Variants in MRGPRX3 observed in about 807,000 individuals in gnomAD.
MRGPRX3 encodes the protein MAS related GPR family member X3.
Under a neutral mutation model 16.5 loss-of-function variants are expected in MRGPRX3, and 14 were observed. That is an observed-to-expected ratio of 0.85 (90% CI 0.56 to 1.33). MRGPRX3 has a LOEUF of 1.33. Ranked by LOEUF, MRGPRX3 falls within the 40% of genes most tolerant of loss-of-function variation. MRGPRX3 has a pLI of 0.00. For missense variants in MRGPRX3, 449 were observed against 413.0 expected, an observed-to-expected ratio of 1.09 and a Z score of -0.76; for synonymous variants, 199 against 180.1, an observed-to-expected ratio of 1.10 and a Z score of -0.84.
In MRGPRX3 at chr11:18,137,143, A is replaced by T. The variant is rs768359697; in HGVS notation, c.-25-35A>T. 4.7e-5 allele frequency: 72 copies of T among 1,529,876 alleles called. 1 individual carries two copies. The highest frequency in any genetic ancestry group is 3.5e-4 in the Middle Eastern group (2 of 5,680). 94.8% of individuals were successfully genotyped at this position (1,529,876 alleles called of 1,614,324 possible). On this transcript the variant is annotated intron_variant, in intron 1 of 1. Coordinates refer to ENST00000621697, the MANE Select transcript of MRGPRX3 (RefSeq NM_001370464.1). ...GGGTGGTGGGGAGAATCAGAGATCA[A>T]ACAGCTGGTGATCACATCTGGTTTC...
At position 18,138,145 on chromosome 11, in the gene MRGPRX3, C is replaced by A; in HGVS notation, c.943C>A (p.Leu315Met). 6.2e-7 allele frequency: 1 copy of A among 1,613,100 alleles called. No individual in the cohort carries two copies. The highest frequency in any genetic ancestry group is 8.5e-7 in the Non-Finnish European group (1 of 1,179,472). ...GGWLPQETLE[L>M]SGSRLEQ ...GTGGCTTCCTCAGGAAACCCTGGAGCTGTCGGGAAGCAGATTGGAGCAGTG... is the reference window on the plus strand; with the variant it reads ...GTGGCTTCCTCAGGAAACCCTGGAGATGTCGGGAAGCAGATTGGAGCAGTG... Residue 315 changes from leucine (L) to methionine (M), a missense_variant, in exon 2 of 2, where the codon CTG becomes ATG. By Grantham distance (15) the Leu-to-Met change is conservative. Transcript: ENST00000621697.
At chr11:18,130,091 T>A (rs12287613), upstream of MRGPRX3, among the ~76,000 whole-genome samples, 7,771 of 152,132 alleles carry the variant, frequency 0.051, 664 homozygotes, top group African/African-American at 0.18. Flanking sequence ...TGGGGAAAAG[T>A]TGAAAACATT....
chr11:18,136,912 C>T (rs1361330999), intron 1 of MRGPRX3, among the ~76,000 whole-genome samples: 1 of 152,158 alleles, frequency 6.6e-6, no homozygotes, highest in African/African-American at 2.4e-5. Flanking sequence ...ACAGCACTGG[C>T]TAGATGAGTG....
At chr11:18,135,725 AC>A (rs1564881501) in intron 1 of MRGPRX3, among the ~76,000 whole-genome samples, 1 of 151,366 alleles carries the variant, frequency 6.6e-6, no homozygotes, top group Non-Finnish European at 1.5e-5. Flanking sequence ...CTTGAGAATC[AC>A]TCCTCTACTT....
intron 1 of MRGPRX3, among the ~76,000 whole-genome samples, chr11:18,136,352 G>A (rs12282203): frequency 0.051 from 7,711 of 152,166 alleles, 648 homozygotes; most frequent in African/African-American, 0.18. Flanking sequence ...CTAGGGGTTC[G>A]GCAAAGCCAC....
At position 18,137,183 on chromosome 11, in the gene MRGPRX3, T is replaced by C. The variant is rs771434076; in HGVS notation, c.-20T>C. On this transcript the variant is annotated 5_prime_UTR_variant, in exon 2 of 2. Coordinates refer to ENST00000621697, the MANE Select transcript of MRGPRX3 (RefSeq NM_001370464.1). ...CATCTGGTTTCTGTTTCCAGGGTCATCAGACTGGGGTTTCTGAGCATGGAT... is the reference window on the plus strand; with the variant it reads ...CATCTGGTTTCTGTTTCCAGGGTCACCAGACTGGGGTTTCTGAGCATGGAT... The C allele has an allele frequency of 1.9e-6, 3 of 1,562,016 alleles. No homozygotes were observed. The highest frequency in any genetic ancestry group is 1.2e-5 in the South Asian group (1 of 82,234).
At chr11:18,135,623 C>T (rs1849001119) in intron 1 of MRGPRX3, among the ~76,000 whole-genome samples, 3 of 152,118 alleles carry the variant, frequency 2.0e-5, no homozygotes, top group African/African-American at 7.2e-5. Context: ...CTATTTTTCC[C>T]TTATTTCATT....
chr11:18,122,027 GAA>G (rs57582114), intron 1 of MRGPRX3, among the ~76,000 whole-genome samples: 2 of 137,328 alleles, frequency 1.5e-5, no homozygotes, highest in South Asian at 2.3e-4. Context: ...AAGAAAAAAA[GAA>G]AAAAAAAAAA....
At chr11:18,135,045 G>A (rs1377377618) in intron 1 of MRGPRX3, among the ~76,000 whole-genome samples, 1 of 152,156 alleles carries the variant, frequency 6.6e-6, no homozygotes, top group African/African-American at 2.4e-5. Context: ...AAATGGTGGG[G>A]CAGAGAACAG....
chr11:18,131,288 G>C (rs1450116883), upstream of MRGPRX3, among the ~76,000 whole-genome samples: 1 of 152,056 alleles, frequency 6.6e-6, no homozygotes, highest in Non-Finnish European at 1.5e-5. Flanking sequence ...CTAAGCATCT[G>C]ACCAAGGACT....
chr11:18,137,266 C>T lies in MRGPRX3; in HGVS notation c.64C>T (p.Pro22Ser), dbSNP rs1346386068. ...LTPINGREET[P>S]CYKQTLSFTG... ...ACCAATCAACGGACGTGAGGAGACT[C>T]CTTGCTACAAGCAGACCCTGAGCTT... Residue 22 changes from proline to serine, a missense_variant, in exon 2 of 2, where the codon CCT becomes TCT. Physicochemically the swap from Pro to Ser is moderately conservative, Grantham distance 74. Coordinates refer to ENST00000621697, the MANE Select transcript of MRGPRX3 (RefSeq NM_001370464.1). The T allele has an allele frequency of 5.6e-6, 9 of 1,614,026 alleles. No homozygotes were observed. Among genetic ancestry groups the T allele is most frequent in the Non-Finnish European group, 7.6e-6 (9 of 1,179,972 alleles).
At chr11:18,134,367 G>T (rs1848989487) in intron 1 of MRGPRX3, among the ~76,000 whole-genome samples, 1 of 152,116 alleles carries the variant, frequency 6.6e-6, no homozygotes, top group African/African-American at 2.4e-5. Context: ...AGTTGTGTAT[G>T]TACTGAACAG....
chr11:18,121,628 G>C (rs1848837925), intron 1 of MRGPRX3, among the ~76,000 whole-genome samples: 1 of 152,222 alleles, frequency 6.6e-6, no homozygotes, highest in African/African-American at 2.4e-5. Context: ...AGTAGACATG[G>C]GAGACTTTTC....
chr11:18,125,209 G>A (rs1848880878), intron 1 of MRGPRX3, among the ~76,000 whole-genome samples: 1 of 152,054 alleles, frequency 6.6e-6, no homozygotes, highest in Admixed American at 6.6e-5. Context: ...TCTGATCTTA[G>A]TTATTTCTTG....
chr11:18,133,772 T>C (rs1199003582), intron 1 of MRGPRX3, among the ~76,000 whole-genome samples: 2 of 152,192 alleles, frequency 1.3e-5, no homozygotes, highest in Admixed American at 1.3e-4. Context: ...TCTCAGGTAT[T>C]TCTTTTTAGC....
At position 18,137,342 on chromosome 11, in the gene MRGPRX3, T is replaced by C; in HGVS notation, c.140T>C (p.Val47Ala). 6.2e-7 allele frequency: 1 copy of C among 1,614,134 alleles called. No homozygotes were observed. The highest frequency in any genetic ancestry group is 1.7e-5 in the Admixed American group (1 of 60,022). ...CTTGTCGCGCTGACAGGAAACGCGGTTGTGCTCTGGCTCCTGGGCTGCCGC... is the reference window on the plus strand; with the variant it reads ...CTTGTCGCGCTGACAGGAAACGCGGCTGTGCTCTGGCTCCTGGGCTGCCGC... ...VSLVALTGNA[V>A]VLWLLGCRMR... Residue 47 changes from valine (V) to alanine (A), a missense_variant, in exon 2 of 2, where the codon GTT (valine) becomes GCT (alanine). Physicochemically the swap from Val to Ala is moderately conservative, Grantham distance 64. Transcript: ENST00000621697.
intron 1 of MRGPRX3, among the ~76,000 whole-genome samples, chr11:18,122,448 T>G (rs888291084): frequency 3.3e-5 from 5 of 152,242 alleles, no homozygotes; most frequent in African/African-American, 1.2e-4. Context: ...TTTGGTTTTC[T>G]GTCCTTGTGA....
intron 1 of MRGPRX3, among the ~76,000 whole-genome samples, 192 bp from the exon 2 acceptor site, chr11:18,136,986 G>T (rs1262494776): frequency 6.6e-6 from 1 of 152,144 alleles, no homozygotes; most frequent in East Asian, 1.9e-4. Context: ...GTAGAGAGAG[G>T]TCAGGCTTCA....
chr11:18,128,307 TCAGA>T (rs1848923407), upstream of MRGPRX3, among the ~76,000 whole-genome samples: 1 of 152,204 alleles, frequency 6.6e-6, no homozygotes, highest in Non-Finnish European at 1.5e-5. Flanking sequence ...TTCAAAGCTG[TCAGA>T]CAGGGACATT....
Sources: gnomAD v4.1 joint callset for allele counts (sites outside exome capture counted in the v4.1 genomes callset) on GRCh38, gnomAD v4.1.1 for gene constraint, MANE v1.5 for transcripts, NCBI Gene and HGNC (gene_info 2026-07-23, HGNC 2026-07-21) for gene names.